Variants in RHBDD1 observed in about 807,000 individuals in gnomAD.
RHBDD1 encodes rhomboid-related protein 4.
Under a neutral mutation model 36.3 loss-of-function variants are expected in RHBDD1, and 38 were observed. That is an observed-to-expected ratio of 1.05 (90% confidence interval 0.81 to 1.37). The LOEUF (loss-of-function observed/expected upper bound fraction) is 1.37, where lower values mean the gene tolerates loss of function less well. Among genes scored for constraint, RHBDD1 ranks in the 40% most tolerant of loss-of-function variants. RHBDD1 has a pLI of 0.00. For missense variants in RHBDD1, 393 were observed against 377.6 expected (o/e 1.04, Z -0.34); for synonymous variants, 151 against 136.5 (o/e 1.11, Z -0.74).
upstream of RHBDD1, among the ~76,000 whole-genome samples, chr2:226,835,180 G>A (rs1940856638): frequency 6.6e-6 from 1 of 152,146 alleles, no homozygotes; most frequent in African/African-American, 2.4e-5. Flanking sequence ...CAAAGTGCGG[G>A]GATTACAGGC....
intron 3 of RHBDD1, among the ~76,000 whole-genome samples, chr2:226,847,602 G>T (rs981408806): frequency 3.9e-5 from 6 of 152,192 alleles, no homozygotes; most frequent in Non-Finnish European, 8.8e-5. Flanking sequence ...GCTTTTTCTA[G>T]CTCTGATGAG....
At chr2:226,805,219 T>TTTG in the RHBDD1 span, among the ~76,000 whole-genome samples, 981 of 148,364 alleles carry the variant, frequency 6.6e-3, 9 homozygotes, top group Non-Finnish European at 0.01. Context: ...TGTTTGTTTG[T>TTTG]TTTGTTTTGT....
chr2:226,953,911 A>C (rs1238726134), intron 8 of RHBDD1, among the ~76,000 whole-genome samples: 24 of 152,212 alleles, frequency 1.6e-4, no homozygotes, highest in Admixed American at 1.6e-3. Context: ...TTTTACATTT[A>C]ACATGAGTTA....
At position 226,876,349 on chromosome 2, in the gene RHBDD1, G is replaced by A. The variant is rs542604179; in HGVS notation, c.566+9031G>A. ...GCAGTGACTGAGAGAATCGAAAAGA[G>A]CAGCCTCACGGGAGAGCAGTTTCCA... On this transcript the variant is annotated intron_variant, in intron 5 of 8. Coordinates refer to ENST00000392062, the MANE Select transcript of RHBDD1 (RefSeq NM_001167608.3). Among the ~76,000 whole-genome samples, 44 of 152,308 alleles carry A rather than the reference G, an allele frequency of 2.9e-4. 1 individual carries two copies. Among genetic ancestry groups the A allele is most frequent in the African/African-American group, 1.1e-3 (44 of 41,560 alleles).
At chr2:226,904,133 C>T (rs1368426134) in intron 5 of RHBDD1, among the ~76,000 whole-genome samples, 4 of 152,200 alleles carry the variant, frequency 2.6e-5, no homozygotes, top group African/African-American at 9.7e-5. Flanking sequence ...AACTTTCACA[C>T]TGGCCCTCTG....
the RHBDD1 span, among the ~76,000 whole-genome samples, chr2:226,810,540 CAAA>C: frequency 5.8e-3 from 195 of 33,856 alleles, no homozygotes; most frequent in African/African-American, 0.025. Context: ...GACTCCGTCT[CAAA>C]AAAAAAAAAA....
intron 8 of RHBDD1, among the ~76,000 whole-genome samples, chr2:226,984,521 G>A (rs895157738): frequency 6.6e-6 from 1 of 152,180 alleles, no homozygotes; most frequent in African/African-American, 2.4e-5. Context: ...ACCTCCACAT[G>A]CCATCACATT....
intron 8 of RHBDD1, among the ~76,000 whole-genome samples, chr2:226,967,464 A>G (rs1409911743): frequency 6.6e-6 from 1 of 151,974 alleles, no homozygotes; most frequent in African/African-American, 2.4e-5. Flanking sequence ...TACATGTGCC[A>G]TGTTGGTGTG....
chr2:226,987,093 C>G (rs189562163), intron 8 of RHBDD1, among the ~76,000 whole-genome samples: 2 of 152,142 alleles, frequency 1.3e-5, no homozygotes, highest in Non-Finnish European at 2.9e-5. Context: ...AACCAAACAC[C>G]GCATGTTCTC....
chr2:226,967,606 C>A (rs1952745885), intron 8 of RHBDD1, among the ~76,000 whole-genome samples: 1 of 143,022 alleles, frequency 7.0e-6, no homozygotes, highest in Non-Finnish European at 1.5e-5. Context: ...TAGTGGAATT[C>A]CACTTTTCTG....
chr2:226,887,086 C>T (rs13383493), intron 5 of RHBDD1, among the ~76,000 whole-genome samples: 37,607 of 151,938 alleles, frequency 0.25, 8,887 homozygotes, highest in African/African-American at 0.62. Flanking sequence ...GCCACAGATA[C>T]GGAGGAGGCT....
At chr2:226,810,450 G>C in the RHBDD1 span, among the ~76,000 whole-genome samples, 11,323 of 140,892 alleles carry the variant, frequency 0.08, 485 homozygotes, top group Middle Eastern at 0.15. Context: ...TGAGGCAGGA[G>C]AATCGCTTGA....
chr2:226,951,564 A>G lies in RHBDD1; in HGVS notation c.856+37213A>G, dbSNP rs572831329. ...AAGCTTCCTATGGGAACTTCACTGT[A>G]GAGTTCATGATTGAATATTTTCAGG... On this transcript the variant is annotated intron_variant, in intron 8 of 8. Coordinates refer to ENST00000392062, the MANE Select transcript of RHBDD1 (RefSeq NM_001167608.3). Among the ~76,000 whole-genome samples, 10 of 152,320 alleles carry G rather than the reference A, an allele frequency of 6.6e-5. No individual in the cohort carries two copies. In the East Asian group the frequency reaches 1.9e-3, roughly 29 times the overall value.
At chr2:226,800,606 A>G in the RHBDD1 span, among the ~76,000 whole-genome samples, 1 of 152,186 alleles carries the variant, frequency 6.6e-6, no homozygotes, top group Non-Finnish European at 1.5e-5. Flanking sequence ...CTCACACCTA[A>G]GGCTGAGGGC....
chr2:226,901,993 A>G (rs1049085300), intron 5 of RHBDD1, among the ~76,000 whole-genome samples: 2 of 152,120 alleles, frequency 1.3e-5, no homozygotes, highest in African/African-American at 4.8e-5. Context: ...TGCTGTGGTC[A>G]TGGATGTAGA....
chr2:226,863,556 G>T (rs1574855121), intron 3 of RHBDD1, among the ~76,000 whole-genome samples: 1 of 152,198 alleles, frequency 6.6e-6, no homozygotes, highest in Non-Finnish European at 1.5e-5. Context: ...AGACTCACTT[G>T]TATACCTGTG....
the RHBDD1 span, among the ~76,000 whole-genome samples, chr2:226,801,390 AGAT>A: frequency 3.9e-5 from 6 of 152,108 alleles, no homozygotes; most frequent in Non-Finnish European, 7.4e-5. Flanking sequence ...AAGAAAAAGA[AGAT>A]GATGATGATG....
chr2:226,917,299 G>C (rs961020574), intron 8 of RHBDD1, among the ~76,000 whole-genome samples: 1 of 151,898 alleles, frequency 6.6e-6, no homozygotes, highest in African/African-American at 2.4e-5. Context: ...TAACTCGAGA[G>C]TATACTGAAC....
the RHBDD1 span, among the ~76,000 whole-genome samples, chr2:226,816,375 C>CAAAAAA: frequency 6.3e-3 from 411 of 64,926 alleles, 4 homozygotes; most frequent in South Asian, 0.036. Context: ...GGAATGGTGG[C>CAAAAAA]AAAAAAAAAA....
Sources: allele counts gnomAD v4.1 joint callset (sites outside exome capture counted in the v4.1 genomes callset), GRCh38; gene constraint gnomAD v4.1.1; transcripts MANE v1.5; gene names NCBI Gene and HGNC (gene_info 2026-07-23, HGNC 2026-07-21).